Variants in ROBO2 observed in about 807,000 individuals in gnomAD.
ROBO2 encodes roundabout guidance receptor 2, also known as roundabout homolog 2.
A neutral mutation model predicts 160.8 loss-of-function variants in ROBO2; 53 were observed. That is an observed-to-expected ratio of 0.33 (90% confidence interval 0.26 to 0.41). ROBO2 has a LOEUF of 0.41. Ranked by LOEUF, ROBO2 falls within the 10% of genes least tolerant of loss-of-function variation. ROBO2 has a pLI of 1.00. For synonymous variants in ROBO2, 664 were observed against 611.7 expected, an observed-to-expected ratio of 1.09 and a Z score of -1.26; for missense variants, 1,577 against 1,722.4, an observed-to-expected ratio of 0.92 and a Z score of 1.49.
At chr3:76,613,397 A>T (rs2088301160) in intron 2 of ROBO2, among the ~76,000 whole-genome samples, 1 of 151,900 alleles carries the variant, frequency 6.6e-6, no homozygotes, top group Non-Finnish European at 1.5e-5. Context: ...ACTAATTCTG[A>T]TTATCTCAGT....
intron 2 of ROBO2, among the ~76,000 whole-genome samples, chr3:77,202,519 T>C (rs1014939753): frequency 4.6e-5 from 7 of 152,204 alleles, no homozygotes; most frequent in African/African-American, 1.4e-4. Context: ...TGAAATATAG[T>C]TATTTCTGTC....
intron 2 of ROBO2, among the ~76,000 whole-genome samples, chr3:77,294,849 G>T (rs1431703707): frequency 8.0e-5 from 12 of 149,830 alleles, no homozygotes; most frequent in Admixed American, 5.4e-4. Context: ...TAAACGGGAA[G>T]TTGAGGCTAG....
At chr3:76,807,857 A>G (rs550648128) in intron 2 of ROBO2, among the ~76,000 whole-genome samples, 7 of 152,136 alleles carry the variant, frequency 4.6e-5, no homozygotes, top group African/African-American at 1.4e-4. Flanking sequence ...TGAGGTTCTC[A>G]TCACTGAAAA....
chr3:76,460,339 A>T (rs2078017123), intron 2 of ROBO2, among the ~76,000 whole-genome samples: 1 of 152,198 alleles, frequency 6.6e-6, no homozygotes, highest in South Asian at 2.1e-4. Context: ...AAGCATGATC[A>T]TTTCAAAATA....
At chr3:77,622,860 C>T (rs573720592) in intron 23 of ROBO2, among the ~76,000 whole-genome samples, 1 of 152,102 alleles carries the variant, frequency 6.6e-6, no homozygotes, top group Non-Finnish European at 1.5e-5. Context: ...AAGCACGTCT[C>T]CTGAATAAGC....
chr3:77,070,486 A>T (rs1008738860), intron 1 of ROBO2, among the ~76,000 whole-genome samples: 1 of 152,064 alleles, frequency 6.6e-6, no homozygotes, highest in Admixed American at 6.6e-5. Flanking sequence ...ATTCAGTATG[A>T]TCTCATCTCC....
At chr3:77,090,636 G>A (rs1426071199) in intron 1 of ROBO2, among the ~76,000 whole-genome samples, 2 of 151,990 alleles carry the variant, frequency 1.3e-5, no homozygotes, top group African/African-American at 2.4e-5. Flanking sequence ...TTACAGGTGT[G>A]AGTCACAGCG....
Position 77,290,054 on chromosome 3 carries a change from G to A in ROBO2, c.389-187360G>A, listed in dbSNP as rs545028080. The stretch of plus-strand genomic sequence containing the variant: ...TTGACGATTAAATGGGTAAGCTGAG[G>A]CTAGATCACCAAAGACATAAAGTAA... On this transcript the variant is annotated intron_variant, in intron 2 of 25. Coordinates refer to ENST00000461745, the Ensembl canonical transcript of ROBO2. Among the ~76,000 whole-genome samples, 4 of 151,050 alleles carry A rather than the reference G, an allele frequency of 2.6e-5. No individual in the cohort carries two copies. In the East Asian group the frequency reaches 7.8e-4, roughly 30 times the overall value.
chr3:77,060,734 A>G (rs1192294755), intron 1 of ROBO2, among the ~76,000 whole-genome samples: 1 of 152,162 alleles, frequency 6.6e-6, no homozygotes, highest in Non-Finnish European at 1.5e-5. Flanking sequence ...GGTCAGGCAA[A>G]TATCAAAGTT....
At position 76,673,958 on chromosome 3, in the gene ROBO2, G is replaced by A. The variant is rs189592682; in HGVS notation, c.110-424056G>A. Among the ~76,000 whole-genome samples, 11 of 152,174 alleles carry A rather than the reference G, an allele frequency of 7.2e-5. No homozygotes were observed. In the East Asian group the frequency reaches 1.9e-3, roughly 27 times the overall value. ...AGAATAGAATGGATGAGTTGAAAAT[G>A]TTTTAAATCTAATATGGAAAGTTAG... On this transcript the variant is annotated intron_variant, in intron 2 of 26. Coordinates refer to the ROBO2 transcript ENST00000487694.
chr3:77,219,581 G>A (rs2085507051), intron 2 of ROBO2, among the ~76,000 whole-genome samples: 1 of 148,252 alleles, frequency 6.7e-6, no homozygotes, highest in Non-Finnish European at 1.5e-5. Flanking sequence ...ATTTGACTGA[G>A]ACACTAAAGA....
intron 2 of ROBO2, among the ~76,000 whole-genome samples, chr3:77,163,907 A>G (rs1238937407): frequency 1.3e-5 from 2 of 152,236 alleles, no homozygotes; most frequent in African/African-American, 4.8e-5. Context: ...AGACATACAT[A>G]CAGATAAAAT....
chr3:76,940,540 A>T (rs1020458523), intron 2 of ROBO2, among the ~76,000 whole-genome samples: 2 of 152,232 alleles, frequency 1.3e-5, no homozygotes, highest in Non-Finnish European at 2.9e-5. Context: ...TATTCATTTT[A>T]AAATGCCCTT....
chr3:76,020,146 A>G (rs1477142469), intron 2 of ROBO2, among the ~76,000 whole-genome samples: 1 of 151,912 alleles, frequency 6.6e-6, no homozygotes, highest in Non-Finnish European at 1.5e-5. Flanking sequence ...ATTCTATATG[A>G]TGCTTTGTGC....
chr3:76,855,271 C>G (rs2069927047), intron 2 of ROBO2, among the ~76,000 whole-genome samples: 2 of 152,150 alleles, frequency 1.3e-5, no homozygotes, highest in Admixed American at 1.3e-4. Flanking sequence ...AAATAGTCCA[C>G]TGTGTGTGGA....
chr3:76,552,895 CA>C (rs2108378009), intron 2 of ROBO2, among the ~76,000 whole-genome samples: 1 of 152,236 alleles, frequency 6.6e-6, no homozygotes, highest in East Asian at 1.9e-4. Flanking sequence ...TTGTGAAATA[CA>C]TTAAATAACT....
intron 2 of ROBO2, among the ~76,000 whole-genome samples, chr3:76,196,362 G>A (rs72630371): frequency 0.047 from 7,115 of 152,070 alleles, 359 homozygotes; most frequent in East Asian, 0.22. Context: ...TATTTTCCCC[G>A]ATGTATAGTC....
intron 2 of ROBO2, among the ~76,000 whole-genome samples, chr3:76,818,304 T>C (rs1446328631): frequency 6.6e-6 from 1 of 152,102 alleles, no homozygotes; most frequent in Non-Finnish European, 1.5e-5. Context: ...TTGAGAATTG[T>C]CTATTCCTGT....
At position 76,275,805 on chromosome 3, in the gene ROBO2, T is replaced by TA. The variant is rs572887186; in HGVS notation, c.109+338204dup. On this transcript the variant is annotated intron_variant, in intron 2 of 26. Coordinates refer to the ROBO2 transcript ENST00000487694. ...ATATTCCTAAATTAGAAATGGTTTT[T>TA]ACCTAATAATTCCCACCTGTAAATG... Among the ~76,000 whole-genome samples, 1,169 of 152,296 alleles carry TA rather than the reference T, an allele frequency of 7.7e-3. 13 individuals carry two copies. Among genetic ancestry groups the TA allele is most frequent in the Non-Finnish European group, 8.9e-3 (606 of 68,014 alleles).
Sources: allele counts gnomAD v4.1 joint callset (sites outside exome capture counted in the v4.1 genomes callset), GRCh38; gene constraint gnomAD v4.1.1; transcripts MANE v1.5; gene names NCBI Gene and HGNC (gene_info 2026-07-23, HGNC 2026-07-21).